Variants in NOX4 observed in about 807,000 individuals in gnomAD.
NOX4 encodes kidney oxidase-1.
Under a neutral mutation model 87.6 loss-of-function variants are expected in NOX4, and 69 were observed. The observed-to-expected ratio is 0.79, with a 90% CI of 0.65 to 0.96. NOX4 has a LOEUF of 0.96. NOX4 is among the 40% of genes least tolerant of loss of function. The probability of loss-of-function intolerance (pLI) is 0.00; values close to 1 mark genes in which losing one functional copy is unlikely to be tolerated. For missense variants in NOX4, 680 were observed against 681.5 expected, an observed-to-expected ratio of 1.00 and a Z score of 0.02; for synonymous variants, 275 against 238.2, an observed-to-expected ratio of 1.15 and a Z score of -1.42.
In NOX4 at chr11:89,373,451, T is replaced by C. The variant is rs368767211; in HGVS notation, c.1116A>G (p.Lys372=). Reference sequence around the variant, plus strand: ...ACATACCTGTCCAGTCTCCTACTATTTTAAGATGAACCCCAAATGTTGCTT... The same window carrying C: ...ACATACCTGTCCAGTCTCCTACTATCTTAAGATGAACCCCAAATGTTGCTT... ...ETKATFGVHL[K]IVGDWTERFR... The change falls in exon 12 of 18, where the codon AAA becomes AAG. Residue 372 remains lysine, a synonymous_variant. Coordinates refer to ENST00000263317, the MANE Select transcript of NOX4 (RefSeq NM_016931.5). 3.1e-6 allele frequency: 5 copies of C among 1,597,390 alleles called. No homozygotes were observed. The East Asian group carries it at 1.1e-4, about 36-fold the overall frequency.
At chr11:89,399,432 AATATATATATATATATATATATATAT>A (rs1208007737) in intron 11 of NOX4, among the ~76,000 whole-genome samples, 6 of 75,644 alleles carry the variant, frequency 7.9e-5, no homozygotes, top group African/African-American at 1.0e-4. Context: ...CAAGAAATTA[AATATATATATATATATATATATATAT>A]ATATATATAT....
intron 2 of NOX4, among the ~76,000 whole-genome samples, chr11:89,453,551 C>T (rs1945058551): frequency 6.6e-6 from 1 of 152,164 alleles, no homozygotes; most frequent in African/African-American, 2.4e-5. Flanking sequence ...AAATGAAGAA[C>T]ATAACGGAAT....
At chr11:89,468,534 C>A (rs868134567) in intron 2 of NOX4, among the ~76,000 whole-genome samples, 1 of 152,118 alleles carries the variant, frequency 6.6e-6, no homozygotes, top group Non-Finnish European at 1.5e-5. Context: ...CACATAAAGG[C>A]TCATCTTGAG....
chr11:89,403,167 C>G (rs1044201963), intron 8 of NOX4, among the ~76,000 whole-genome samples: 6 of 152,154 alleles, frequency 3.9e-5, no homozygotes, highest in African/African-American at 1.4e-4. Flanking sequence ...GGAGAGCCCA[C>G]ACCATAAAAA....
At chr11:89,381,584 G>T (rs368620276) in intron 11 of NOX4, among the ~76,000 whole-genome samples, 3 of 152,098 alleles carry the variant, frequency 2.0e-5, no homozygotes, top group African/African-American at 7.2e-5. Context: ...TTCAGACTCA[G>T]CCCATCTGCA....
chr11:89,527,539 G>A, the NOX4 span, among the ~76,000 whole-genome samples: 1 of 152,140 alleles, frequency 6.6e-6, no homozygotes, highest in East Asian at 1.9e-4. Context: ...ACAGGGCCTT[G>A]CTTCTTTGTT....
At chr11:89,327,011 T>C (rs1945246524) in intron 17 of NOX4, 135 bp from the exon 18 acceptor site, 3 of 742,926 alleles carry the variant, frequency 4.0e-6, no homozygotes, top group Non-Finnish European at 6.4e-6. Context: ...AAAACAATTT[T>C]CTAATTATTT....
intron 12 of NOX4, among the ~76,000 whole-genome samples, chr11:89,356,069 C>T (rs1173405531): frequency 1.3e-5 from 2 of 151,952 alleles, no homozygotes; most frequent in African/African-American, 4.8e-5. Context: ...TGTAACAGAA[C>T]ATAATTTTTA....
At chr11:89,400,849 G>GTA (rs35185652) in intron 9 of NOX4, among the ~76,000 whole-genome samples, 2,301 of 149,946 alleles carry the variant, frequency 0.015, 54 homozygotes, top group African/African-American at 0.053. Context: ...CATATAATAT[G>GTA]TATATATATA....
chr11:89,382,202 G>A lies in NOX4; in HGVS notation c.1075-8710C>T, dbSNP rs1940338193. Among the ~76,000 whole-genome samples the A allele has an allele frequency of 3.3e-5, 5 of 151,654 alleles. No individual in the cohort carries two copies. In the South Asian group the frequency reaches 8.4e-4, roughly 25 times the overall value. On this transcript the variant is annotated intron_variant, in intron 11 of 17. Coordinates refer to ENST00000263317, the MANE Select transcript of NOX4 (RefSeq NM_016931.5). The stretch of plus-strand genomic sequence containing the variant: ...GTGTCCCTACCCTTTCTTTTCTCTG[G>A]GCTTGCCTTCTTCACTATGGGCAAC...
chr11:89,438,925 TATAATA>T (rs1206158371), intron 6 of NOX4, among the ~76,000 whole-genome samples: 1 of 74,550 alleles, frequency 1.3e-5, no homozygotes, highest in Non-Finnish European at 2.4e-5. Flanking sequence ...ATAAAATATA[TATAATA>T]ATATAATATA....
chr11:89,359,118 T>C (rs1465904541), intron 12 of NOX4, among the ~76,000 whole-genome samples: 2 of 152,122 alleles, frequency 1.3e-5, no homozygotes, highest in Non-Finnish European at 2.9e-5. Flanking sequence ...CCCTTAGACC[T>C]GGATGACATA....
intron 11 of NOX4, among the ~76,000 whole-genome samples, chr11:89,381,548 A>G (rs1483990342): frequency 6.6e-6 from 1 of 151,936 alleles, no homozygotes; most frequent in Non-Finnish European, 1.5e-5. Context: ...ATGGACCCAA[A>G]CCTATCTCCC....
chr11:89,461,146 C>T (rs1433625768), intron 2 of NOX4, among the ~76,000 whole-genome samples: 4 of 151,376 alleles, frequency 2.6e-5, no homozygotes, highest in African/African-American at 4.9e-5. Context: ...CATCACAATC[C>T]GGGGCCTGTT....
chr11:89,519,176 A>G, the NOX4 span, among the ~76,000 whole-genome samples: 4 of 152,114 alleles, frequency 2.6e-5, no homozygotes, highest in African/African-American at 4.8e-5. Flanking sequence ...CTATGTTTGA[A>G]GCAAATGAAA....
chr11:89,469,584 C>A (rs926611050), intron 2 of NOX4, among the ~76,000 whole-genome samples: 1 of 152,118 alleles, frequency 6.6e-6, no homozygotes, highest in African/African-American at 2.4e-5. Context: ...TCCAGTTCAA[C>A]CTTCTTTTTG....
At chr11:89,498,464 A>G (rs866436886), upstream of NOX4, among the ~76,000 whole-genome samples, 8 of 152,294 alleles carry the variant, frequency 5.3e-5, no homozygotes, top group Middle Eastern at 3.4e-3. Context: ...GAATTGCTGA[A>G]ACTTGTTCAC....
chr11:89,542,998 T>C, the NOX4 span, among the ~76,000 whole-genome samples: 16,240 of 152,196 alleles, frequency 0.11, 1,189 homozygotes, highest in Middle Eastern at 0.18. Context: ...AATGCCCTTA[T>C]GTAGAAAATT....
At chr11:89,427,212 C>A (rs1251184776) in intron 7 of NOX4, among the ~76,000 whole-genome samples, 1 of 152,112 alleles carries the variant, frequency 6.6e-6, no homozygotes, top group Non-Finnish European at 1.5e-5. Context: ...CACACCAAAA[C>A]CTCATTCGCA....
Sources: gnomAD v4.1 joint callset for allele counts (sites outside exome capture counted in the v4.1 genomes callset) on GRCh38, gnomAD v4.1.1 for gene constraint, MANE v1.5 for transcripts, NCBI Gene and HGNC (gene_info 2026-07-23, HGNC 2026-07-21) for gene names.